SVOPL: variants seen among roughly 807,000 people sequenced by gnomAD.
SVOPL encodes the protein SVOP like.
A neutral mutation model predicts 61.0 loss-of-function variants in SVOPL; 60 were observed. The ratio of observed to expected loss-of-function variants is 0.98; its 90% CI spans 0.80 to 1.22. The LOEUF is 1.22. Among genes scored for constraint, SVOPL ranks in the 50% most tolerant of loss-of-function variants. The pLI is 0.00. For synonymous variants in SVOPL, 279 were observed against 250.0 expected, an observed-to-expected ratio of 1.12 and a Z score of -1.09; for missense variants, 662 against 643.9, an observed-to-expected ratio of 1.03 and a Z score of -0.30.
At chr7:138,609,241 C>G (rs187740796) in intron 14 of SVOPL, among the ~76,000 whole-genome samples, 1 of 152,140 alleles carries the variant, frequency 6.6e-6, no homozygotes, top group East Asian at 1.9e-4. Context: ...GGGACAAGCT[C>G]GCCCAAGAGG....
intron 3 of SVOPL, among the ~76,000 whole-genome samples, chr7:138,677,196 G>A (rs780936848): frequency 2.0e-5 from 3 of 152,082 alleles, no homozygotes; most frequent in South Asian, 2.1e-4. Flanking sequence ...GAGCCACTGC[G>A]CCCGGCCTCC....
At chr7:138,655,640 TTATA>T (rs570926828) in intron 7 of SVOPL, among the ~76,000 whole-genome samples, 32 of 57,892 alleles carry the variant, frequency 5.5e-4, no homozygotes, top group Non-Finnish European at 1.1e-3. Context: ...ATATATACTA[TTATA>T]TATATATTAT....
At chr7:138,664,111 CCAGCTCTCCCT>C in intron 4 of SVOPL, 2 of 694,432 alleles carry the variant, frequency 2.9e-6, no homozygotes, top group Non-Finnish European at 3.5e-6. Flanking sequence ...CGCTGGGGCT[CCAGCTCTCCCT>C]CTGCCTCCCT....
At chr7:138,662,445 G>T in intron 5 of SVOPL, 6 of 985,374 alleles carry the variant, frequency 6.1e-6, no homozygotes, top group Non-Finnish European at 7.2e-6. Flanking sequence ...TGCTCTGGGG[G>T]GTTAGAGACT....
chr7:138,621,037 T>C lies in SVOPL; in HGVS notation c.1353+9A>G, dbSNP rs3734945. ...ACTCTCTCTCTCCCTGCAGGGTCCT[T>C]GGCTGTACCTGGGATATAAATGGTG... On this transcript the variant is annotated intron_variant, in intron 14 of 15. Transcript: ENST00000674285. 582,598 of 1,608,760 alleles carry C rather than the reference T, an allele frequency of 0.36. 106,718 individuals carry two copies. Among genetic ancestry groups the C allele is most frequent in the East Asian group, 0.4 (17,957 of 44,690 alleles).
chr7:138,670,000 G>T (rs1304253259), intron 4 of SVOPL, among the ~76,000 whole-genome samples: 2 of 152,108 alleles, frequency 1.3e-5, no homozygotes, highest in Admixed American at 1.3e-4. Context: ...CTCCTTGGCT[G>T]ATGTTACTTC....
chr7:138,599,308 A>G (rs973679908), intron 14 of SVOPL, among the ~76,000 whole-genome samples: 1 of 152,214 alleles, frequency 6.6e-6, no homozygotes, highest in Admixed American at 6.5e-5. Context: ...ATAGGGAGTC[A>G]GAGAGGTTAT....
intron 6 of SVOPL, among the ~76,000 whole-genome samples, chr7:138,659,608 G>T (rs867197484): frequency 6.6e-6 from 1 of 152,096 alleles, no homozygotes; most frequent in Middle Eastern, 3.4e-3. Context: ...TGTATTAATT[G>T]ATGTGTTATG....
chr7:138,641,817 T>TATATATATATATATATATATATATAAC (rs1800806939), intron 9 of SVOPL, among the ~76,000 whole-genome samples: 5 of 129,582 alleles, frequency 3.9e-5, no homozygotes, highest in Non-Finnish European at 8.2e-5. Context: ...ATATATGTTA[T>TATATATATATATATATATATATATAAC]ATATATATAT....
intron 8 of SVOPL, among the ~76,000 whole-genome samples, chr7:138,648,605 G>A (rs1391960351): frequency 6.6e-6 from 1 of 151,758 alleles, no homozygotes; most frequent in East Asian, 1.9e-4. Context: ...CTACTCAGGA[G>A]TCTGAGGCAG....
chr7:138,660,890 C>T (rs1046343108), intron 5 of SVOPL: 41 of 985,038 alleles, frequency 4.2e-5, no homozygotes, highest in Admixed American at 6.2e-5. Flanking sequence ...TCCATTTCAA[C>T]GGTGCAGGAC....
intron 14 of SVOPL, among the ~76,000 whole-genome samples, chr7:138,603,615 T>C (rs960164497): frequency 6.6e-6 from 1 of 152,160 alleles, no homozygotes; most frequent in African/African-American, 2.4e-5. Context: ...GAGGTTGCAG[T>C]GAGCGGAGAT....
chr7:138,694,279 C>A (rs1390733911), intron 1 of SVOPL, among the ~76,000 whole-genome samples: 1 of 152,230 alleles, frequency 6.6e-6, no homozygotes, highest in Non-Finnish European at 1.5e-5. Context: ...GAGTCTCGCT[C>A]TGTCGCCCAG....
intron 9 of SVOPL, among the ~76,000 whole-genome samples, chr7:138,632,769 A>G (rs1800274586): frequency 6.6e-6 from 1 of 151,552 alleles, no homozygotes; most frequent in Non-Finnish European, 1.5e-5. Context: ...GAGGAGAGAG[A>G]GCTTATTTCT....
intron 1 of SVOPL, among the ~76,000 whole-genome samples, chr7:138,693,559 AAGAAAGAAAG>A (rs1162418290): frequency 3.5e-5 from 5 of 144,650 alleles, no homozygotes; most frequent in African/African-American, 1.4e-4. Flanking sequence ...GAAAGAAAGA[AAGAAAGAAAG>A]AAAGAAAAAA....
rs149977099 is a variant in SVOPL at position 138,595,668 on chromosome 7, G to A, written c.1467+749C>T. ...GTGTGCTCCTTTATACAAGTTGCTC[G>A]ACTTGTGTCTTAGTTTCCTCATTTG... On this transcript the variant is annotated intron_variant, in intron 15 of 15. Transcript: ENST00000674285. 1.2e-4 allele frequency among the ~76,000 whole-genome samples: 19 copies of A among 152,182 alleles called. No homozygotes were observed. In the South Asian group the frequency reaches 3.1e-3, roughly 25 times the overall value.
rs201231483 is a variant in SVOPL, at chr7:138,684,934, C to CTTTT, written c.-34-5859_-34-5856dup. On this transcript the variant is annotated intron_variant, in intron 1 of 15. Coordinates refer to ENST00000674285, the MANE Select transcript of SVOPL (RefSeq NM_001139456.2). ...ACAAGGGAATTTTTCTTTTTCTTTTCTTTTTTTTTTTTTTTGAGACAGAGT... is the reference window on the plus strand; with the variant it reads ...ACAAGGGAATTTTTCTTTTTCTTTTCTTTTTTTTTTTTTTTTTTTGAGACAGAGT... Among the ~76,000 whole-genome samples the CTTTT allele has an allele frequency of 9.3e-5, 13 of 140,126 alleles. No homozygotes were observed. In the East Asian group the frequency reaches 1.7e-3, roughly 18 times the overall value. 91.9% of individuals were successfully genotyped at this position (140,126 alleles called of 152,430 possible).
intron 1 of SVOPL, among the ~76,000 whole-genome samples, chr7:138,686,609 AGGCTGCAGTGCAATGGCGT>A (rs148348725): frequency 0.32 from 41,841 of 132,722 alleles, 6,894 homozygotes; most frequent in African/African-American, 0.46. Context: ...CTTTTTGCCC[AGGCTGCAGTGCAATGGCGT>A]GGTCCTGGCT....
In SVOPL at chr7:138,649,730, A is replaced by C. The variant is rs185728296; in HGVS notation, c.535-593T>G. On this transcript the variant is annotated intron_variant, in intron 7 of 15. Coordinates refer to ENST00000674285, the MANE Select transcript of SVOPL (RefSeq NM_001139456.2). ...TTGAGTCATCAGGGACAATATTGCT[A>C]AAGAGGCAATGAATAAGCAAGCCAG... Among the ~76,000 whole-genome samples, 58 of 152,324 alleles carry C rather than the reference A, an allele frequency of 3.8e-4. 1 individual carries two copies. In the East Asian group the frequency reaches 0.011, roughly 28 times the overall value.
Sources: gnomAD v4.1 joint callset for allele counts (sites outside exome capture counted in the v4.1 genomes callset) on GRCh38, gnomAD v4.1.1 for gene constraint, MANE v1.5 for transcripts, NCBI Gene and HGNC (gene_info 2026-07-23, HGNC 2026-07-21) for gene names.